The following CLUAP1 variants were observed in gnomAD, a reference collection of about 807,000 sequenced individuals.
CLUAP1 encodes intraflagellar transport 38, also known as clusterin-associated protein 1.
Under a neutral mutation model 55.0 loss-of-function variants are expected in CLUAP1, and 50 were observed. The observed-to-expected ratio is 0.91, with a 90% confidence interval of 0.72 to 1.15. The LOEUF (loss-of-function observed/expected upper bound fraction) is 1.15, where lower values mean the gene tolerates loss of function less well. Ranked by LOEUF, CLUAP1 falls within the 50% of genes most tolerant of loss-of-function variation. The pLI is 0.00. For synonymous variants in CLUAP1, 195 were observed against 175.4 expected (o/e 1.11, Z -0.88); for missense variants, 530 against 507.6 (o/e 1.04, Z -0.42).
rs1221251992 is a variant in CLUAP1 at position 3,538,347 on chromosome 16, A to G, written c.*2076A>G. 1 of 151,492 alleles carries G rather than the reference A, an allele frequency of 6.6e-6. No homozygotes were observed. The highest frequency in any genetic ancestry group is 1.5e-5 in the Non-Finnish European group (1 of 67,932). 9.4% of individuals were successfully genotyped at this position (151,492 alleles called of 1,614,324 possible). A position where few individuals can be genotyped will look rare whatever the true frequency, so the allele number is the denominator to read the frequency against. On this transcript the variant is annotated 3_prime_UTR_variant, in exon 12 of 12. Coordinates refer to ENST00000576634, the MANE Select transcript of CLUAP1 (RefSeq NM_015041.3). ...AAAAAAAAACAGCCAGTATTCAGTG[A>G]ATTCACCAGTAATTTGAAATGCACC...
At chr16:3,529,532 T>TTATATA in intron 9 of CLUAP1, among the ~76,000 whole-genome samples, 1 of 59,556 alleles carries the variant, frequency 1.7e-5, no homozygotes, top group South Asian at 3.9e-4. Flanking sequence ...TATTATTATA[T>TTATATA]GTTATATATT....
chr16:3,506,517 C>CT (rs1017105204), intron 3 of CLUAP1, 102 bp downstream of exon 3: 807 of 951,232 alleles, frequency 8.5e-4, no homozygotes, highest in East Asian at 2.1e-3. Flanking sequence ...GTTTTTCTTT[C>CT]TTTTTTTTTG....
intron 8 of CLUAP1, among the ~76,000 whole-genome samples, chr16:3,525,607 C>CT (rs760605377): frequency 2.6e-5 from 4 of 152,078 alleles, no homozygotes; most frequent in Non-Finnish European, 4.4e-5. Context: ...GCCTGCCACT[C>CT]TGTCTGGAGG....
Position 3,520,039 on chromosome 16 carries a change from A to T in CLUAP1, c.713+3A>T. 6.2e-7 allele frequency: 1 copy of T among 1,601,968 alleles called. No individual in the cohort carries two copies. The highest frequency in any genetic ancestry group is 1.1e-5 in the South Asian group (1 of 88,202). ...CTAGAGACTCTGCAGAGTGTCAGGT[A>T]GATATGAACACTTGGAGAATGAGTA... On this transcript the variant is annotated splice_donor_region_variant and intron_variant, in intron 7 of 11. Transcript: ENST00000576634.
intron 4 of CLUAP1, among the ~76,000 whole-genome samples, chr16:3,509,369 C>T (rs1258367450): frequency 6.6e-5 from 10 of 152,192 alleles, no homozygotes; most frequent in African/African-American, 1.9e-4. Context: ...TTGTCTTTGC[C>T]TCTAAGGTGG....
intron 6 of CLUAP1, among the ~76,000 whole-genome samples, chr16:3,519,203 G>A (rs952821368): frequency 5.9e-5 from 9 of 152,160 alleles, no homozygotes; most frequent in Admixed American, 2.0e-4. Flanking sequence ...GTGGGCCCGT[G>A]TCCCCCTTCC....
the CLUAP1 span, among the ~76,000 whole-genome samples, chr16:3,495,848 G>T: frequency 6.6e-6 from 1 of 152,292 alleles, no homozygotes; most frequent in African/African-American, 2.4e-5. Context: ...GCTCATGCCT[G>T]TAATCCCAGC....
Position 3,515,610 on chromosome 16 carries a change from T to C in CLUAP1, c.579+19T>C, listed in dbSNP as rs759055039. The C allele has an allele frequency of 1.3e-6, 2 of 1,530,406 alleles. No individual in the cohort carries two copies. The highest frequency in any genetic ancestry group is 1.8e-6 in the Non-Finnish European group (2 of 1,125,510). The allele number at this position is 1,530,406 out of a possible 1,614,324, so 94.8% of individuals were successfully genotyped here. A position where few individuals can be genotyped will look rare whatever the true frequency, so the allele number is the denominator to read the frequency against. ...GATTTTGGTAAGATGACTTTGCTTT[T>C]ATATAATGTTTTTTATGCCTGGGAT... On this transcript the variant is annotated intron_variant, in intron 6 of 11. Transcript: ENST00000576634.
At chr16:3,530,074 G>A (rs1005177370) in intron 9 of CLUAP1, among the ~76,000 whole-genome samples, 5 of 149,832 alleles carry the variant, frequency 3.3e-5, no homozygotes, top group East Asian at 3.9e-4. Flanking sequence ...GCATCTTGCC[G>A]CACCATCCCA....
intron 9 of CLUAP1, among the ~76,000 whole-genome samples, chr16:3,529,514 TA>T (rs61295325): frequency 1.5e-5 from 1 of 65,646 alleles, no homozygotes; most frequent in Non-Finnish European, 2.6e-5. Flanking sequence ...ATATATTATA[TA>T]ATTATATATT....
At chr16:3,500,366 A>ATTTTT (rs35022426), upstream of CLUAP1, among the ~76,000 whole-genome samples, 2 of 115,546 alleles carry the variant, frequency 1.7e-5, no homozygotes, top group African/African-American at 6.8e-5. Flanking sequence ...AGTATAGTGC[A>ATTTTT]TTTTTTTTTT....
chr16:3,512,938 C>A (rs2037659862), intron 5 of CLUAP1, among the ~76,000 whole-genome samples: 3 of 152,188 alleles, frequency 2.0e-5, no homozygotes. Context: ...CCTTGGCCTC[C>A]CAAAGTGCTG....
chr16:3,507,002 C>T (rs2037519445), intron 3 of CLUAP1, among the ~76,000 whole-genome samples: 1 of 151,442 alleles, frequency 6.6e-6, no homozygotes, highest in Non-Finnish European at 1.5e-5. Context: ...TGAGACTATC[C>T]TGGCTAGCAG....
chr16:3,510,772 GT>G (rs1181378245), intron 4 of CLUAP1, among the ~76,000 whole-genome samples: 1 of 152,236 alleles, frequency 6.6e-6, no homozygotes, highest in Non-Finnish European at 1.5e-5. Context: ...CTGCTCTGAA[GT>G]TTTTTGTGTG....
At chr16:3,500,301 C>T (rs971534208), upstream of CLUAP1, among the ~76,000 whole-genome samples, 1 of 152,136 alleles carries the variant, frequency 6.6e-6, no homozygotes, top group Non-Finnish European at 1.5e-5. Flanking sequence ...CGCTCGGCAA[C>T]CAGATTCCGA....
chr16:3,529,439 T>TTATATATTATTATATATAATA (rs1567439177), intron 9 of CLUAP1, among the ~76,000 whole-genome samples: 3 of 68,742 alleles, frequency 4.4e-5, no homozygotes, highest in African/African-American at 6.6e-5. Context: ...ATAATATATA[T>TTATATATTATTATATATAATA]TATATTATAT....
At chr16:3,532,085 C>T (rs1192238680) in intron 10 of CLUAP1, among the ~76,000 whole-genome samples, 5 of 152,068 alleles carry the variant, frequency 3.3e-5, no homozygotes, top group African/African-American at 4.8e-5. Context: ...GTGATCCACC[C>T]GCCTCGGCCT....
At chr16:3,534,729 A>C (rs1167084689) in intron 11 of CLUAP1, 1 of 152,344 alleles carries the variant, frequency 6.6e-6, no homozygotes, top group African/African-American at 2.4e-5. Context: ...GGCTTGGTCT[A>C]ATCAGCAGAA....
intron 6 of CLUAP1, 66 bp downstream of exon 6, chr16:3,515,657 C>A: frequency 9.1e-7 from 1 of 1,104,808 alleles, no homozygotes; most frequent in Non-Finnish European, 1.3e-6. Flanking sequence ...GATTTCTTGC[C>A]CATACAAGAC....
Sources: allele counts gnomAD v4.1 joint callset (sites outside exome capture counted in the v4.1 genomes callset), GRCh38; gene constraint gnomAD v4.1.1; transcripts MANE v1.5; gene names NCBI Gene and HGNC (gene_info 2026-07-23, HGNC 2026-07-21).